CDH18: variants seen among roughly 807,000 people sequenced by gnomAD.
CDH18 encodes the protein cadherin 18.
A neutral mutation model predicts 67.9 loss-of-function variants in CDH18; 31 were observed. The observed-to-expected ratio is 0.46, with a 90% CI of 0.34 to 0.62. The LOEUF is 0.62. Ranked by LOEUF, CDH18 falls within the 20% of genes least tolerant of loss-of-function variation. CDH18 has a pLI of 0.01. For missense variants in CDH18, 890 were observed against 975.5 expected (o/e 0.91, Z 1.17); for synonymous variants, 362 against 347.2 (o/e 1.04, Z -0.48).
intron 1 of CDH18, among the ~76,000 whole-genome samples, chr5:20,486,675 A>AC (rs1554008050): frequency 1.1e-4 from 16 of 145,212 alleles, no homozygotes; most frequent in African/African-American, 4.2e-4. Flanking sequence ...ACCTGTTGCT[A>AC]TTTTTGTATA....
At chr5:20,137,392 C>T (rs1749822886) in intron 2 of CDH18, among the ~76,000 whole-genome samples, 1 of 152,092 alleles carries the variant, frequency 6.6e-6, no homozygotes, top group Middle Eastern at 3.2e-3. Context: ...GAAGCTTGTG[C>T]ATGCATCATT....
chr5:20,302,638 G>A (rs1483818851), intron 1 of CDH18, among the ~76,000 whole-genome samples: 3 of 152,038 alleles, frequency 2.0e-5, no homozygotes, highest in Non-Finnish European at 4.4e-5. Flanking sequence ...AATTGCTCCC[G>A]GCCCCAAACC....
intron 2 of CDH18, among the ~76,000 whole-genome samples, chr5:19,917,054 T>C (rs1791877212): frequency 6.6e-6 from 1 of 152,206 alleles, no homozygotes; most frequent in South Asian, 2.1e-4. Flanking sequence ...TAACCGCATG[T>C]TTGAACTCAA....
At chr5:20,533,708 TTTA>T in intron 1 of CDH18, among the ~76,000 whole-genome samples, 1 of 152,126 alleles carries the variant, frequency 6.6e-6, no homozygotes, top group Admixed American at 6.6e-5. Context: ...GAATAGTTCA[TTTA>T]TTATCCTTTT....
intron 2 of CDH18, among the ~76,000 whole-genome samples, chr5:19,965,735 G>C (rs1464966169): frequency 6.6e-6 from 1 of 152,038 alleles, no homozygotes; most frequent in East Asian, 1.9e-4. Flanking sequence ...AGGAGGAAGA[G>C]AGAGGCAGGT....
intron 2 of CDH18, among the ~76,000 whole-genome samples, chr5:20,060,616 G>A (rs979567509): frequency 1.3e-5 from 2 of 152,006 alleles, no homozygotes; most frequent in Non-Finnish European, 2.9e-5. Context: ...ATAAAAATGT[G>A]AGCCCCGTGT....
intron 5 of CDH18, among the ~76,000 whole-genome samples, chr5:19,614,441 C>T (rs1398462874): frequency 1.3e-5 from 2 of 151,132 alleles, no homozygotes; most frequent in East Asian, 3.9e-4. Context: ...CTCAAGCACC[C>T]TTATTAAAAA....
At chr5:20,112,101 C>T (rs973197319) in intron 2 of CDH18, among the ~76,000 whole-genome samples, 25 of 152,234 alleles carry the variant, frequency 1.6e-4, no homozygotes, top group African/African-American at 5.8e-4. Context: ...TTCAAAGATA[C>T]ATTTCACGTA....
At chr5:20,117,632 G>A (rs531155219) in intron 2 of CDH18, among the ~76,000 whole-genome samples, 3 of 152,250 alleles carry the variant, frequency 2.0e-5, no homozygotes, top group African/African-American at 7.2e-5. Context: ...TAGAAGAAGT[G>A]AATGCAAATT....
chr5:20,165,371 T>C (rs1218630299), intron 2 of CDH18, among the ~76,000 whole-genome samples: 1 of 152,068 alleles, frequency 6.6e-6, no homozygotes, highest in East Asian at 1.9e-4. Flanking sequence ...TAAAGGACAA[T>C]CTCTGTCATT....
intron 1 of CDH18, among the ~76,000 whole-genome samples, chr5:20,320,425 C>A (rs1273910084): frequency 1.3e-5 from 2 of 152,012 alleles, no homozygotes; most frequent in African/African-American, 4.8e-5. Context: ...ATGAGCTGGG[C>A]AGTCAGAATC....
intron 1 of CDH18, among the ~76,000 whole-genome samples, chr5:20,268,322 T>C (rs1357228954): frequency 1.3e-5 from 2 of 152,200 alleles, no homozygotes; most frequent in Non-Finnish European, 2.9e-5. Context: ...TTTTTCTAGA[T>C]ATAAGATCAA....
intron 9 of CDH18, among the ~76,000 whole-genome samples, chr5:19,529,237 A>G (rs1475305782): frequency 6.6e-6 from 1 of 152,022 alleles, no homozygotes; most frequent in Non-Finnish European, 1.5e-5. Context: ...AATATAATTC[A>G]CTGCACACAT....
At chr5:20,271,104 C>A (rs1745404334) in intron 1 of CDH18, among the ~76,000 whole-genome samples, 3 of 151,930 alleles carry the variant, frequency 2.0e-5, no homozygotes, top group African/African-American at 7.3e-5. Flanking sequence ...GCCTATATGA[C>A]AAGCCTGCAC....
At chr5:20,234,244 C>T (rs1292178350) in intron 2 of CDH18, among the ~76,000 whole-genome samples, 3 of 152,062 alleles carry the variant, frequency 2.0e-5, no homozygotes, top group Non-Finnish European at 2.9e-5. Context: ...CTGGGCTAAA[C>T]CCTTATTCAT....
At chr5:19,740,782 A>T (rs1769009101) in intron 4 of CDH18, among the ~76,000 whole-genome samples, 1 of 152,094 alleles carries the variant, frequency 6.6e-6, no homozygotes. Flanking sequence ...AAACACATTA[A>T]CTCATTATCT....
chr5:20,077,735 T>C (rs958206260), intron 2 of CDH18, among the ~76,000 whole-genome samples: 2 of 152,240 alleles, frequency 1.3e-5, no homozygotes, highest in Non-Finnish European at 2.9e-5. Context: ...AAAAAAGTAC[T>C]ATGTATTTTT....
At chr5:20,263,335 T>C (rs1005936904) in intron 1 of CDH18, among the ~76,000 whole-genome samples, 2 of 152,146 alleles carry the variant, frequency 1.3e-5, no homozygotes, top group African/African-American at 2.4e-5. Flanking sequence ...GGGTATTGGA[T>C]AGATATTTTT....
At chr5:20,091,058 A>AG (rs1411726201) in intron 2 of CDH18, among the ~76,000 whole-genome samples, 9 of 151,428 alleles carry the variant, frequency 5.9e-5, no homozygotes, top group African/African-American at 2.2e-4. Flanking sequence ...TCCAAAATAA[A>AG]GAAAAAAAAA....
Sources: allele counts gnomAD v4.1 joint callset (sites outside exome capture counted in the v4.1 genomes callset), GRCh38; gene constraint gnomAD v4.1.1; transcripts MANE v1.5; gene names NCBI Gene and HGNC (gene_info 2026-07-23, HGNC 2026-07-21).